CNTNAP2: variants seen among roughly 807,000 people sequenced by gnomAD.
The protein encoded by CNTNAP2 is contactin associated protein 2, also known as contactin-associated protein-like 2.
A neutral mutation model predicts 155.2 loss-of-function variants in CNTNAP2; 98 were observed. The ratio of observed to expected loss-of-function variants is 0.63; its 90% CI spans 0.54 to 0.75. The LOEUF (loss-of-function observed/expected upper bound fraction) is 0.75. CNTNAP2 is among the 30% of genes least tolerant of loss of function. The pLI is 0.00. For synonymous variants in CNTNAP2, 651 were observed against 631.2 expected (o/e 1.03, Z -0.47); for missense variants, 1,727 against 1,688.1 (o/e 1.02, Z -0.40).
chr7:146,953,852 A>G (rs1797374948), intron 3 of CNTNAP2, among the ~76,000 whole-genome samples: 2 of 151,990 alleles, frequency 1.3e-5, no homozygotes, highest in South Asian at 4.1e-4. Flanking sequence ...AAAAAGGGAA[A>G]TAAGCTATTG....
At chr7:147,835,823 C>G (rs922476870) in intron 13 of CNTNAP2, among the ~76,000 whole-genome samples, 1 of 152,138 alleles carries the variant, frequency 6.6e-6, no homozygotes, top group Non-Finnish European at 1.5e-5. Flanking sequence ...CACAGAGAAG[C>G]AACTCATGTG....
chr7:147,932,719 T>G (rs552815196), intron 14 of CNTNAP2, among the ~76,000 whole-genome samples: 1 of 152,260 alleles, frequency 6.6e-6, no homozygotes, highest in African/African-American at 2.4e-5. Context: ...AGGTATACTA[T>G]GTCAAACTAA....
At chr7:148,171,303 A>G (rs1805789339) in intron 17 of CNTNAP2, among the ~76,000 whole-genome samples, 1 of 152,100 alleles carries the variant, frequency 6.6e-6, no homozygotes, top group African/African-American at 2.4e-5. Flanking sequence ...AATGCTCATC[A>G]CCTATTTCTT....
intron 17 of CNTNAP2, among the ~76,000 whole-genome samples, chr7:148,169,930 A>T (rs1378985022): frequency 6.6e-6 from 1 of 151,548 alleles, no homozygotes; most frequent in Non-Finnish European, 1.5e-5. Flanking sequence ...ACTGCACTCC[A>T]GCCTAAACAA....
intron 4 of CNTNAP2, among the ~76,000 whole-genome samples, chr7:147,089,706 G>T (rs1056111563): frequency 2.6e-5 from 4 of 152,132 alleles, no homozygotes; most frequent in African/African-American, 9.7e-5. Flanking sequence ...CCAACCAGGT[G>T]TTATGACACT....
chr7:147,981,058 G>A (rs1193673884), intron 15 of CNTNAP2, among the ~76,000 whole-genome samples: 1 of 151,966 alleles, frequency 6.6e-6, no homozygotes, highest in Admixed American at 6.6e-5. Context: ...ACAGCCTCCT[G>A]TGAATTGGGC....
rs10229664 is a variant in CNTNAP2 at position 146,663,202 on chromosome 7, C to T, written c.98-111069C>T. Among the ~76,000 whole-genome samples, 914 of 142,472 alleles carry T rather than the reference C, an allele frequency of 6.4e-3. 5 individuals are homozygous for T. Among genetic ancestry groups the T allele is most frequent in the African/African-American group, 0.023 (861 of 36,716 alleles). The allele number at this position is 142,472 out of a possible 152,430, so 93.5% of individuals were successfully genotyped here. On this transcript the variant is annotated intron_variant, in intron 1 of 23. Coordinates refer to ENST00000361727, the MANE Select transcript of CNTNAP2 (RefSeq NM_014141.6). ...CTGAGGCAGGAGAATCACTTAAACCCGGGAGGCAGAGGTTGCAGTGAGCCA... is the reference window on the plus strand; with the variant it reads ...CTGAGGCAGGAGAATCACTTAAACCTGGGAGGCAGAGGTTGCAGTGAGCCA...
chr7:146,781,423 C>G (rs760348100), intron 2 of CNTNAP2, among the ~76,000 whole-genome samples: 8 of 152,068 alleles, frequency 5.3e-5, no homozygotes, highest in Non-Finnish European at 8.8e-5. Flanking sequence ...ACAAAAGACA[C>G]CACTGAAGTT....
chr7:147,357,846 C>A (rs530232567), intron 9 of CNTNAP2, among the ~76,000 whole-genome samples: 2 of 152,036 alleles, frequency 1.3e-5, no homozygotes, highest in Non-Finnish European at 2.9e-5. Context: ...AAAGCTTCTA[C>A]GTTCCTTGGA....
intron 21 of CNTNAP2, among the ~76,000 whole-genome samples, chr7:148,380,857 G>A (rs146172656): frequency 1.1e-3 from 171 of 152,282 alleles, no homozygotes; most frequent in African/African-American, 3.8e-3. Flanking sequence ...TTCCCTGACC[G>A]CTTTGTGGGA....
intron 3 of CNTNAP2, among the ~76,000 whole-genome samples, chr7:146,953,574 C>G (rs1797366830): frequency 6.6e-6 from 1 of 151,872 alleles, no homozygotes; most frequent in Non-Finnish European, 1.5e-5. Context: ...TCGAAATAAG[C>G]ATAAAACAAT....
In CNTNAP2 at chr7:147,775,289, ATATATTTATATATATTTATAAAT is replaced by A. The variant is rs1797552840; in HGVS notation, c.2099-128275_2099-128253del. Among the ~76,000 whole-genome samples, 2 of 57,976 alleles carry A rather than the reference ATATATTTATATATATTTATAAAT, an allele frequency of 3.4e-5. 1 individual carries two copies. The highest frequency in any genetic ancestry group is 2.6e-4 in the African/African-American group (2 of 7,710). The allele number at this position is 57,976 out of a possible 152,430, so 38.0% of individuals were successfully genotyped here. On this transcript the variant is annotated intron_variant, in intron 13 of 23. Coordinates refer to ENST00000361727, the MANE Select transcript of CNTNAP2 (RefSeq NM_014141.6). ...TATTTATATATATATTTATAAATAT[ATATATTTATATATATTTATAAAT>A]ATATATATATTTATATATATTTATA... is the stretch of plus-strand genomic sequence containing the variant.
intron 23 of CNTNAP2, among the ~76,000 whole-genome samples, chr7:148,411,120 C>T (rs919130221): frequency 3.3e-5 from 5 of 152,154 alleles, no homozygotes; most frequent in Non-Finnish European, 7.3e-5. Flanking sequence ...TGACTCTCCT[C>T]GGATAGCCAC....
In CNTNAP2 at chr7:146,798,511, T is replaced by C. The variant is rs1012582136; in HGVS notation, c.208+24130T>C. On this transcript the variant is annotated intron_variant, in intron 2 of 23. Coordinates refer to ENST00000361727, the MANE Select transcript of CNTNAP2 (RefSeq NM_014141.6). ...TGTGCACCATCAGTACCTAGCTATA[T>C]TTTTTGGTACTTTTAGTAGAGATGG... is the stretch of plus-strand genomic sequence containing the variant. Among the ~76,000 whole-genome samples, 3 of 152,046 alleles carry C rather than the reference T, an allele frequency of 2.0e-5. 1 individual carries two copies. Among genetic ancestry groups the C allele is most frequent in the African/African-American group, 7.2e-5 (3 of 41,406 alleles).
intron 17 of CNTNAP2, among the ~76,000 whole-genome samples, chr7:148,165,157 C>T (rs367918587): frequency 3.3e-5 from 5 of 152,234 alleles, no homozygotes; most frequent in South Asian, 2.1e-4. Flanking sequence ...TCAGTGTGTC[C>T]GTAGGGTTGC....
At chr7:147,562,354 A>G (rs936673979) in intron 12 of CNTNAP2, 97 bp downstream of exon 12, 1 of 1,442,516 alleles carries the variant, frequency 6.9e-7, no homozygotes, top group African/African-American at 1.4e-5. Flanking sequence ...CTATGTTTTT[A>G]TCACAACATC....
chr7:147,281,007 C>T (rs559180149), intron 8 of CNTNAP2, among the ~76,000 whole-genome samples: 1 of 151,986 alleles, frequency 6.6e-6, no homozygotes, highest in Admixed American at 6.6e-5. Flanking sequence ...TTTCAACTTA[C>T]TAGTTTATAT....
intron 16 of CNTNAP2, among the ~76,000 whole-genome samples, chr7:148,128,426 G>A (rs1164172626): frequency 1.3e-5 from 2 of 152,132 alleles, no homozygotes; most frequent in African/African-American, 4.8e-5. Context: ...CTAACTTCTC[G>A]ATTTAAACCT....
intron 14 of CNTNAP2, among the ~76,000 whole-genome samples, chr7:147,926,356 A>G (rs1241550457): frequency 1.3e-5 from 2 of 152,242 alleles, no homozygotes; most frequent in Admixed American, 1.3e-4. Context: ...TAGTGAATTT[A>G]TAATAGAAGT....
Sources: allele counts gnomAD v4.1 joint callset (sites outside exome capture counted in the v4.1 genomes callset), GRCh38; gene constraint gnomAD v4.1.1; transcripts MANE v1.5; gene names NCBI Gene and HGNC (gene_info 2026-07-23, HGNC 2026-07-21).